Variants in PDE1C observed in about 807,000 individuals in gnomAD.
PDE1C encodes the protein dual specificity calcium/calmodulin-dependent 3',5'-cyclic nucleotide phosphodiesterase 1C.
Under a neutral mutation model 93.1 loss-of-function variants are expected in PDE1C, and 62 were observed. That is an observed-to-expected ratio of 0.67 (90% CI 0.54 to 0.82). The LOEUF (loss-of-function observed/expected upper bound fraction) is 0.82, where lower values mean the gene tolerates loss of function less well. PDE1C is among the 40% of genes least tolerant of loss of function. The pLI is 0.00. For synonymous variants in PDE1C, 325 were observed against 310.1 expected, an observed-to-expected ratio of 1.05 and a Z score of -0.50; for missense variants, 742 against 884.6, an observed-to-expected ratio of 0.84 and a Z score of 2.04.
chr7:32,052,227 T>A, intron 1 of PDE1C: 3 of 455,798 alleles, frequency 6.6e-6, no homozygotes, highest in Middle Eastern at 3.3e-4. Flanking sequence ...TTAGGAACCA[T>A]CCCCAGGAAG....
chr7:32,397,069 G>T (rs1245688415), intron 1 of PDE1C, among the ~76,000 whole-genome samples: 1 of 152,064 alleles, frequency 6.6e-6, no homozygotes, highest in African/African-American at 2.4e-5. Context: ...TCCAGGTAGG[G>T]AAAAGCTTCC....
intron 2 of PDE1C, among the ~76,000 whole-genome samples, chr7:32,208,117 C>T (rs1805738278): frequency 6.6e-6 from 1 of 152,206 alleles, no homozygotes; most frequent in Admixed American, 6.5e-5. Flanking sequence ...TACACAATTT[C>T]TAAAATATGA....
At chr7:32,362,089 C>T (rs1585125783) in intron 1 of PDE1C, among the ~76,000 whole-genome samples, 2 of 152,058 alleles carry the variant, frequency 1.3e-5, no homozygotes, top group Non-Finnish European at 2.9e-5. Flanking sequence ...CAGAGGAGGG[C>T]GCTCCCCCAG....
the PDE1C span, chr7:31,658,125 G>A: frequency 2.0e-6 from 1 of 509,184 alleles, no homozygotes; most frequent in Non-Finnish European, 3.1e-6. Context: ...ACACAAAGAT[G>A]AAACCTTGAG....
chr7:31,965,852 C>T (rs1184631149), intron 2 of PDE1C, among the ~76,000 whole-genome samples: 2 of 152,094 alleles, frequency 1.3e-5, no homozygotes, highest in African/African-American at 4.8e-5. Context: ...CATATCCAGC[C>T]AAACTAAGCT....
chr7:31,842,645 C>T (rs922316592), intron 9 of PDE1C, among the ~76,000 whole-genome samples: 1 of 152,010 alleles, frequency 6.6e-6, no homozygotes, highest in East Asian at 1.9e-4. Flanking sequence ...TGTGTTCTCT[C>T]CTTTTTATTG....
chr7:31,773,695 G>C (rs1353556447), intron 17 of PDE1C, among the ~76,000 whole-genome samples: 1 of 152,068 alleles, frequency 6.6e-6, no homozygotes, highest in African/African-American at 2.4e-5. Context: ...GTTCCCTTCT[G>C]TGTAGTCGTA....
chr7:31,629,955 TAATA>T, the PDE1C span, among the ~76,000 whole-genome samples: 7 of 152,082 alleles, frequency 4.6e-5, no homozygotes, highest in African/African-American at 1.4e-4. Context: ...GATATAAATA[TAATA>T]AATATCATGA....
At chr7:31,806,817 A>G (rs953259709) in intron 16 of PDE1C, among the ~76,000 whole-genome samples, 22 of 151,914 alleles carry the variant, frequency 1.4e-4, no homozygotes, top group Non-Finnish European at 2.2e-4. Context: ...GGACATTAAA[A>G]ATTGTTAAAT....
At chr7:32,124,206 A>C (rs1799447513) in intron 3 of PDE1C, among the ~76,000 whole-genome samples, 1 of 152,174 alleles carries the variant, frequency 6.6e-6, no homozygotes, top group African/African-American at 2.4e-5. Context: ...AAATGAGAGG[A>C]CACAAACAAA....
intron 2 of PDE1C, among the ~76,000 whole-genome samples, chr7:31,948,637 T>G (rs528787555): frequency 2.0e-5 from 3 of 152,180 alleles, no homozygotes; most frequent in Non-Finnish European, 4.4e-5. Context: ...GTCATTGATG[T>G]TTCCATCTTA....
At chr7:32,162,053 C>G (rs1273278605) in intron 3 of PDE1C, among the ~76,000 whole-genome samples, 1 of 152,154 alleles carries the variant, frequency 6.6e-6, no homozygotes, top group Non-Finnish European at 1.5e-5. Flanking sequence ...AGCAGACCTT[C>G]TGTATGAAGG....
intron 17 of PDE1C, among the ~76,000 whole-genome samples, chr7:31,754,790 C>T (rs538247155): frequency 6.6e-6 from 1 of 152,306 alleles, no homozygotes; most frequent in South Asian, 2.1e-4. Context: ...GGCAGTGAAA[C>T]TCTCGCATAC....
chr7:32,038,258 C>T (rs1269975574), intron 2 of PDE1C, among the ~76,000 whole-genome samples: 2 of 152,072 alleles, frequency 1.3e-5, no homozygotes, highest in Non-Finnish European at 1.5e-5. Context: ...CACAGATTCT[C>T]CCACCTCCGC....
intron 16 of PDE1C, among the ~76,000 whole-genome samples, chr7:31,776,343 G>A (rs895654565): frequency 6.6e-6 from 1 of 152,182 alleles, no homozygotes; most frequent in Non-Finnish European, 1.5e-5. Context: ...TGTGTCCAGT[G>A]CTCAGGAACA....
At chr7:32,165,728 G>A (rs1263793496) in intron 3 of PDE1C, among the ~76,000 whole-genome samples, 1 of 152,122 alleles carries the variant, frequency 6.6e-6, no homozygotes, top group Non-Finnish European at 1.5e-5. Context: ...ATGAGATTTG[G>A]GTGGGGACAC....
At chr7:31,950,400 A>G (rs2129013675) in intron 2 of PDE1C, among the ~76,000 whole-genome samples, 1 of 152,258 alleles carries the variant, frequency 6.6e-6, no homozygotes, top group South Asian at 2.1e-4. Flanking sequence ...TCCAAAGACC[A>G]TCTCGATTTC....
At chr7:31,691,651 A>AT in the PDE1C span, among the ~76,000 whole-genome samples, 2 of 151,952 alleles carry the variant, frequency 1.3e-5, no homozygotes, top group African/African-American at 2.4e-5. Context: ...ACGGGGACAG[A>AT]TTTGTTCTCA....
chr7:31,937,204 G>T (rs1805204604), intron 2 of PDE1C, among the ~76,000 whole-genome samples: 1 of 151,968 alleles, frequency 6.6e-6, no homozygotes, highest in South Asian at 2.1e-4. Context: ...ATCAGACTCT[G>T]GAAAAAAACT....
Sources: gnomAD v4.1 joint callset for allele counts (sites outside exome capture counted in the v4.1 genomes callset) on GRCh38, gnomAD v4.1.1 for gene constraint, MANE v1.5 for transcripts, NCBI Gene and HGNC (gene_info 2026-07-23, HGNC 2026-07-21) for gene names.